MLIP: variants seen among roughly 807,000 people sequenced by gnomAD.
MLIP encodes muscular LMNA interacting protein.
MLIP carries 79 observed loss-of-function variants against 84.8 expected under a neutral mutation model. The observed-to-expected ratio is 0.93, with a 90% CI of 0.78 to 1.12. The LOEUF (loss-of-function observed/expected upper bound fraction) is 1.12. Ranked by LOEUF, MLIP falls within the 50% of genes most tolerant of loss-of-function variation. The pLI is 0.00. For synonymous variants in MLIP, 504 were observed against 463.0 expected, an observed-to-expected ratio of 1.09 and a Z score of -1.14; for missense variants, 1,257 against 1,160.6, an observed-to-expected ratio of 1.08 and a Z score of -1.21.
At chr6:54,264,673 C>T (rs111723994) in intron 13 of MLIP, among the ~76,000 whole-genome samples, 4,511 of 152,026 alleles carry the variant, frequency 0.03, 213 homozygotes, top group African/African-American at 0.1. Context: ...CATGTTGGTG[C>T]TTTCAGAAAA....
At chr6:54,048,097 G>T (rs140515104) in intron 1 of MLIP, among the ~76,000 whole-genome samples, 235 of 152,276 alleles carry the variant, frequency 1.5e-3, no homozygotes, top group African/African-American at 5.4e-3. Context: ...AAGGGAGGTG[G>T]TACTGTAGGA....
intron 3 of MLIP, among the ~76,000 whole-genome samples, chr6:54,130,755 G>A (rs940164126): frequency 1.1e-4 from 17 of 152,154 alleles, no homozygotes; most frequent in Admixed American, 1.1e-3. Context: ...GTTCACAGAG[G>A]CAGTGTTGCT....
chr6:54,175,901 A>T (rs1425119705), intron 9 of MLIP, among the ~76,000 whole-genome samples: 1 of 151,976 alleles, frequency 6.6e-6, no homozygotes, highest in Non-Finnish European at 1.5e-5. Context: ...GTTTAGATAT[A>T]TTCCTTCTGT....
chr6:54,262,443 G>A (rs1220190352), intron 13 of MLIP, among the ~76,000 whole-genome samples: 2 of 151,996 alleles, frequency 1.3e-5, no homozygotes, highest in East Asian at 1.9e-4. Context: ...TGACAGCATC[G>A]TTAATTATAC....
At chr6:54,100,336 G>A (rs1180181929) in intron 1 of MLIP, among the ~76,000 whole-genome samples, 1 of 151,628 alleles carries the variant, frequency 6.6e-6, no homozygotes, top group Non-Finnish European at 1.5e-5. Flanking sequence ...TGCTCTTTCA[G>A]TTTCTCTTTC....
At chr6:54,213,816 T>C (rs751875819) in intron 11 of MLIP, among the ~76,000 whole-genome samples, 2 of 151,338 alleles carry the variant, frequency 1.3e-5, no homozygotes, top group Non-Finnish European at 2.9e-5. Flanking sequence ...CAAAGATATC[T>C]ACATGCTTTT....
At chr6:54,216,978 AAAACTGTAGC>A in intron 11 of MLIP, 2 of 985,430 alleles carry the variant, frequency 2.0e-6, no homozygotes, top group Non-Finnish European at 2.4e-6. Flanking sequence ...GATTTAAATT[AAAACTGTAGC>A]AAAAATGCTA....
intron 5 of MLIP, among the ~76,000 whole-genome samples, chr6:54,155,242 C>G (rs1157677456): frequency 2.6e-5 from 4 of 151,932 alleles, no homozygotes; most frequent in Non-Finnish European, 4.4e-5. Flanking sequence ...TTATTCAGAC[C>G]TGAATCCCCA....
At chr6:54,200,524 G>T (rs1349247827) in intron 10 of MLIP, among the ~76,000 whole-genome samples, 1 of 151,868 alleles carries the variant, frequency 6.6e-6, no homozygotes, top group Non-Finnish European at 1.5e-5. Flanking sequence ...AGAGACAGAG[G>T]TGTGGACAAC....
At chr6:54,117,773 C>T (rs534280188) in intron 1 of MLIP, among the ~76,000 whole-genome samples, 7 of 151,574 alleles carry the variant, frequency 4.6e-5, no homozygotes, top group African/African-American at 1.7e-4. Flanking sequence ...GGTGAAACCC[C>T]GTCTCTACTA....
intron 9 of MLIP, among the ~76,000 whole-genome samples, chr6:54,187,485 A>G (rs765622350): frequency 6.6e-6 from 1 of 152,340 alleles, no homozygotes; most frequent in Non-Finnish European, 1.5e-5. Flanking sequence ...TAGATATTAT[A>G]AGATAAGCTT....
At position 54,211,199 on chromosome 6, in the gene MLIP, C is replaced by A. The variant is rs746150621; in HGVS notation, c.2718+8966C>A. The stretch of plus-strand genomic sequence containing the variant: ...CAAGATCACACCATTGCACTCCAAC[C>A]TGGGCAACAGAGTGAGACTCTGTAC... On this transcript the variant is annotated intron_variant, in intron 11 of 13. Transcript: ENST00000502396. 1.6e-4 allele frequency among the ~76,000 whole-genome samples: 24 copies of A among 152,192 alleles called. 1 individual carries two copies. Among genetic ancestry groups the A allele is most frequent in the Admixed American group, 7.2e-4 (11 of 15,282 alleles).
chr6:54,092,136 A>G (rs1311972911), intron 1 of MLIP, among the ~76,000 whole-genome samples: 1 of 152,186 alleles, frequency 6.6e-6, no homozygotes, highest in Non-Finnish European at 1.5e-5. Context: ...GAATGCTTGA[A>G]GTGTCTTTCC....
intron 9 of MLIP, among the ~76,000 whole-genome samples, chr6:54,171,410 A>T (rs968579942): frequency 6.6e-6 from 1 of 151,608 alleles, no homozygotes; most frequent in Non-Finnish European, 1.5e-5. Context: ...ATTTTACAAC[A>T]TGACATTTGA....
intron 2 of MLIP, among the ~76,000 whole-genome samples, chr6:54,123,072 T>C (rs1411208773): frequency 2.0e-5 from 3 of 151,730 alleles, no homozygotes; most frequent in South Asian, 4.2e-4. Context: ...GCTGGGACTA[T>C]AGGCGCCTCT....
chr6:54,024,141 C>T (rs1408959487), intron 1 of MLIP, among the ~76,000 whole-genome samples: 1 of 152,126 alleles, frequency 6.6e-6, no homozygotes, highest in Non-Finnish European at 1.5e-5. Flanking sequence ...GCCTTCTCAG[C>T]AGCTGGGATT....
chr6:54,252,757 A>T (rs1782728584), intron 12 of MLIP, among the ~76,000 whole-genome samples: 1 of 151,834 alleles, frequency 6.6e-6, no homozygotes, highest in Non-Finnish European at 1.5e-5. Flanking sequence ...ACAGTTCAAG[A>T]GAAACCAGAA....
intron 9 of MLIP, among the ~76,000 whole-genome samples, chr6:54,188,369 A>G (rs551838911): frequency 6.6e-6 from 1 of 152,262 alleles, no homozygotes; most frequent in African/African-American, 2.4e-5. Context: ...AGGAACATGT[A>G]GCTTGAAACA....
chr6:54,118,819 T>C (rs896375596), intron 1 of MLIP, among the ~76,000 whole-genome samples: 1 of 151,944 alleles, frequency 6.6e-6, no homozygotes. Flanking sequence ...AACAACTCAA[T>C]AGCAAGACAA....
Sources: allele counts gnomAD v4.1 joint callset (sites outside exome capture counted in the v4.1 genomes callset), GRCh38; gene constraint gnomAD v4.1.1; transcripts MANE v1.5; gene names NCBI Gene and HGNC (gene_info 2026-07-23, HGNC 2026-07-21).